The following ARHGAP15 variants were observed in gnomAD, a reference collection of about 807,000 sequenced individuals.
The protein encoded by ARHGAP15 is rho GTPase-activating protein 15.
ARHGAP15 carries 51 observed loss-of-function variants against 63.7 expected under a neutral mutation model. The ratio of observed to expected loss-of-function variants is 0.80; its 90% CI spans 0.64 to 1.01. The LOEUF (loss-of-function observed/expected upper bound fraction) is 1.01. Ranked by LOEUF, ARHGAP15 falls within the 50% of genes least tolerant of loss-of-function variation. The probability of loss-of-function intolerance (pLI) is 0.00; values close to 1 mark genes in which losing one functional copy is unlikely to be tolerated. For missense variants in ARHGAP15, 560 were observed against 564.6 expected (o/e 0.99, Z 0.08); for synonymous variants, 191 against 193.8 (o/e 0.99, Z 0.12).
chr2:143,598,337 AG>A (rs1230792949), intron 11 of ARHGAP15, among the ~76,000 whole-genome samples: 3 of 152,204 alleles, frequency 2.0e-5, no homozygotes, highest in African/African-American at 4.8e-5. Flanking sequence ...ATGTGGCTAA[AG>A]GAGTGATCAA....
chr2:143,425,618 A>G (rs899768411), intron 6 of ARHGAP15, among the ~76,000 whole-genome samples: 3 of 152,108 alleles, frequency 2.0e-5, no homozygotes, highest in Non-Finnish European at 4.4e-5. Context: ...ACAGTTAGGA[A>G]TGTTCTCCAA....
chr2:143,487,515 T>G lies in ARHGAP15; in HGVS notation c.826+20T>G. Reference sequence around the variant, plus strand: ...TTAAAGGTACAGGTCATTTTATACTTGTACTATAACTGTGATAAATGAATG... The same window carrying G: ...TTAAAGGTACAGGTCATTTTATACTGGTACTATAACTGTGATAAATGAATG... On this transcript the variant is annotated intron_variant, in intron 9 of 13. Coordinates refer to ENST00000295095, the MANE Select transcript of ARHGAP15 (RefSeq NM_018460.4). 1 of 1,608,810 alleles carries G rather than the reference T, an allele frequency of 6.2e-7. No individual in the cohort carries two copies. The highest frequency in any genetic ancestry group is 8.5e-7 in the Non-Finnish European group (1 of 1,178,238).
intron 6 of ARHGAP15, chr2:143,435,393 C>A: frequency 8.6e-7 from 1 of 1,165,912 alleles, no homozygotes; most frequent in Non-Finnish European, 1.1e-6. Flanking sequence ...ATTATTAAAA[C>A]AATAATGTAT....
intron 6 of ARHGAP15, among the ~76,000 whole-genome samples, chr2:143,278,348 G>A (rs1049227107): frequency 2.0e-5 from 3 of 152,136 alleles, no homozygotes; most frequent in Non-Finnish European, 4.4e-5. Context: ...TGTCTTGCTG[G>A]ACTAGAACTG....
chr2:143,562,444 A>T (rs993760592), intron 11 of ARHGAP15, among the ~76,000 whole-genome samples: 2 of 152,200 alleles, frequency 1.3e-5, no homozygotes, highest in Non-Finnish European at 2.9e-5. Context: ...TATTATTTTT[A>T]AAACGAGGTA....
intron 6 of ARHGAP15, among the ~76,000 whole-genome samples, chr2:143,432,743 G>A (rs972066464): frequency 6.6e-6 from 1 of 152,052 alleles, no homozygotes; most frequent in African/African-American, 2.4e-5. Context: ...GATACTTAAA[G>A]ATATGCATTA....
At chr2:143,426,215 T>C (rs1395103882) in intron 6 of ARHGAP15, among the ~76,000 whole-genome samples, 3 of 152,310 alleles carry the variant, frequency 2.0e-5, no homozygotes, top group Non-Finnish European at 4.4e-5. Context: ...TACTCATTTA[T>C]CTTTAGACTA....
chr2:143,476,802 A>G (rs927185213), intron 8 of ARHGAP15, among the ~76,000 whole-genome samples: 1 of 152,094 alleles, frequency 6.6e-6, no homozygotes, highest in Non-Finnish European at 1.5e-5. Context: ...AAGTACCTTC[A>G]CTTCTGTGTT....
chr2:143,231,547 C>T (rs1382616671), intron 5 of ARHGAP15, among the ~76,000 whole-genome samples: 1 of 152,152 alleles, frequency 6.6e-6, no homozygotes, highest in African/African-American at 2.4e-5. Flanking sequence ...CCATCTTCTT[C>T]CTTTGGCTCT....
chr2:143,247,315 C>T (rs941058214), intron 5 of ARHGAP15: 6 of 152,556 alleles, frequency 3.9e-5, no homozygotes, highest in Admixed American at 1.3e-4. Flanking sequence ...AGCCCTCCGC[C>T]ACTGGGCTGT....
intron 6 of ARHGAP15, among the ~76,000 whole-genome samples, chr2:143,278,308 C>T (rs1681666897): frequency 6.6e-6 from 1 of 152,152 alleles, no homozygotes; most frequent in Non-Finnish European, 1.5e-5. Flanking sequence ...AAAAATGCTT[C>T]TCCCAGATGG....
intron 6 of ARHGAP15, among the ~76,000 whole-genome samples, chr2:143,289,975 C>T (rs1574220026): frequency 6.6e-6 from 1 of 151,990 alleles, no homozygotes; most frequent in Non-Finnish European, 1.5e-5. Context: ...TCTTAAATAC[C>T]CAGGCAAGTT....
intron 13 of ARHGAP15, among the ~76,000 whole-genome samples, chr2:143,749,991 C>T (rs953670270): frequency 3.9e-5 from 6 of 152,140 alleles, no homozygotes; most frequent in Admixed American, 6.5e-5. Context: ...CTCTGAGTCC[C>T]GGGTCTCAAC....
intron 10 of ARHGAP15, among the ~76,000 whole-genome samples, chr2:143,523,181 A>C (rs982931638): frequency 3.3e-5 from 5 of 152,156 alleles, no homozygotes; most frequent in African/African-American, 1.2e-4. Flanking sequence ...ACTTTGTGTC[A>C]TCTTCCATGT....
chr2:143,471,528 C>G (rs981593240), intron 8 of ARHGAP15, among the ~76,000 whole-genome samples: 1 of 151,780 alleles, frequency 6.6e-6, no homozygotes. Context: ...AAAACAAAAA[C>G]ACAGAAAAGA....
At chr2:143,634,319 C>A (rs576034612) in intron 12 of ARHGAP15, among the ~76,000 whole-genome samples, 1 of 152,120 alleles carries the variant, frequency 6.6e-6, no homozygotes, top group Non-Finnish European at 1.5e-5. Context: ...GCACCGCACA[C>A]CACCACCTGT....
chr2:143,625,205 C>A (rs1698789641), intron 12 of ARHGAP15, among the ~76,000 whole-genome samples: 1 of 151,852 alleles, frequency 6.6e-6, no homozygotes, highest in Admixed American at 6.6e-5. Context: ...CGAGACAAAT[C>A]TCCAAGAAAA....
At chr2:143,255,534 T>TA (rs1680374893) in intron 6 of ARHGAP15, among the ~76,000 whole-genome samples, 1 of 152,126 alleles carries the variant, frequency 6.6e-6, no homozygotes, top group African/African-American at 2.4e-5. Context: ...TAATTTGATC[T>TA]TTCTGATCTG....
chr2:143,528,424 G>C (rs754570490), intron 10 of ARHGAP15, among the ~76,000 whole-genome samples: 1 of 151,654 alleles, frequency 6.6e-6, no homozygotes, highest in Non-Finnish European at 1.5e-5. Context: ...TTTTTATTTG[G>C]ATGATAATTT....
Sources: allele counts gnomAD v4.1 joint callset (sites outside exome capture counted in the v4.1 genomes callset), GRCh38; gene constraint gnomAD v4.1.1; transcripts MANE v1.5; gene names NCBI Gene and HGNC (gene_info 2026-07-23, HGNC 2026-07-21).